Variants in NCAM2 observed in about 807,000 individuals in gnomAD.
NCAM2 encodes neural cell adhesion molecule 2, also known as N-CAM-2.
A neutral mutation model predicts 98.1 loss-of-function variants in NCAM2; 30 were observed. The observed-to-expected ratio is 0.31, with a 90% CI of 0.23 to 0.41. The LOEUF (loss-of-function observed/expected upper bound fraction) is 0.41, where lower values mean the gene tolerates loss of function less well. Ranked by LOEUF, NCAM2 falls within the 10% of genes least tolerant of loss-of-function variation. The probability of loss-of-function intolerance (pLI) is 1.00; values close to 1 mark genes in which losing one functional copy is unlikely to be tolerated. For missense variants in NCAM2, 867 were observed against 1,005.8 expected, an observed-to-expected ratio of 0.86 and a Z score of 1.87; for synonymous variants, 368 against 342.4, an observed-to-expected ratio of 1.07 and a Z score of -0.83.
intron 1 of NCAM2, among the ~76,000 whole-genome samples, chr21:21,272,497 T>TGCGCGC (rs201869091): frequency 0.013 from 1,957 of 145,442 alleles, 14 homozygotes; most frequent in East Asian, 0.027. Flanking sequence ...TACACACACA[T>TGCGCGC]GCGCGCGCGC....
chr21:21,347,320 A>G (rs1160152516), intron 8 of NCAM2, among the ~76,000 whole-genome samples: 1 of 152,020 alleles, frequency 6.6e-6, no homozygotes, highest in Non-Finnish European at 1.5e-5. Flanking sequence ...AAAACTTTCT[A>G]AAATTTATAT....
chr21:21,444,974 T>G (rs765033905), intron 12 of NCAM2, among the ~76,000 whole-genome samples: 2 of 152,036 alleles, frequency 1.3e-5, no homozygotes, highest in Admixed American at 1.3e-4. Context: ...ACAATTAGTG[T>G]TGTAAATTTC....
chr21:21,089,250 T>C (rs1266528189), intron 1 of NCAM2, among the ~76,000 whole-genome samples: 1 of 152,172 alleles, frequency 6.6e-6, no homozygotes, highest in African/African-American at 2.4e-5. Context: ...TTATTGCTAG[T>C]AAATAAAACT....
At chr21:21,316,603 T>C (rs1023685900) in intron 5 of NCAM2, among the ~76,000 whole-genome samples, 5 of 145,456 alleles carry the variant, frequency 3.4e-5, no homozygotes, top group African/African-American at 1.3e-4. Context: ...TGGTGTGATC[T>C]CGGCTCACTA....
At chr21:21,512,451 C>G (rs915650595) in intron 16 of NCAM2, among the ~76,000 whole-genome samples, 20 of 152,076 alleles carry the variant, frequency 1.3e-4, no homozygotes, top group Middle Eastern at 3.4e-3. Context: ...GTCTGTGTGT[C>G]TGTTTTTATG....
At chr21:21,272,140 A>G (rs1434947116) in intron 1 of NCAM2, among the ~76,000 whole-genome samples, 1 of 152,218 alleles carries the variant, frequency 6.6e-6, no homozygotes, top group Non-Finnish European at 1.5e-5. Context: ...GATTTTATTT[A>G]TACACAGTGG....
intron 1 of NCAM2, among the ~76,000 whole-genome samples, chr21:21,146,347 T>C (rs2067273593): frequency 6.6e-6 from 1 of 151,578 alleles, no homozygotes; most frequent in African/African-American, 2.4e-5. Flanking sequence ...GGGAAAATTG[T>C]CTTTCTGACA....
At chr21:21,304,504 G>A (rs1029572019) in intron 5 of NCAM2, among the ~76,000 whole-genome samples, 2 of 151,986 alleles carry the variant, frequency 1.3e-5, no homozygotes, top group African/African-American at 2.4e-5. Flanking sequence ...AAGCCGTTAT[G>A]ATAAGTTAGA....
intron 1 of NCAM2, among the ~76,000 whole-genome samples, chr21:21,108,974 T>C (rs892671909): frequency 2.6e-5 from 4 of 152,164 alleles, no homozygotes; most frequent in Admixed American, 6.5e-5. Flanking sequence ...TGACTACAGT[T>C]ATGATAATGG....
chr21:21,285,869 C>A (rs1391368520), intron 3 of NCAM2, among the ~76,000 whole-genome samples: 1 of 151,838 alleles, frequency 6.6e-6, no homozygotes, highest in Non-Finnish European at 1.5e-5. Flanking sequence ...AGGAATATTG[C>A]TATTTTATAT....
Position 21,374,000 on chromosome 21 carries a change from C to T in NCAM2, c.1182C>T (p.Tyr394=). The T allele has an allele frequency of 1.2e-6, 2 of 1,606,050 alleles. No individual in the cohort carries two copies. The highest frequency in any genetic ancestry group is 1.7e-6 in the Non-Finnish European group (2 of 1,176,462). Reference sequence around the variant, plus strand: ...TTGGAGGGCATCAAAAGAGCATGTACCTTGATATTGAATGTAAGTTACTTT... The same window carrying T: ...TTGGAGGGCATCAAAAGAGCATGTATCTTGATATTGAATGTAAGTTACTTT... The part of the protein sequence containing the change: ...SRIGGHQKSM[Y]LDIEYAPKFI... The change falls in exon 9 of 18, where the codon TAC becomes TAT. Residue 394 remains tyrosine, a synonymous_variant. Coordinates refer to ENST00000400546, the MANE Select transcript of NCAM2 (RefSeq NM_004540.5).
At chr21:21,206,983 G>A (rs549682838) in intron 1 of NCAM2, among the ~76,000 whole-genome samples, 1 of 151,944 alleles carries the variant, frequency 6.6e-6, no homozygotes, top group Non-Finnish European at 1.5e-5. Flanking sequence ...GACTATACAA[G>A]GTATTTATCA....
At chr21:21,208,722 C>G (rs1404592779) in intron 1 of NCAM2, among the ~76,000 whole-genome samples, 1 of 152,072 alleles carries the variant, frequency 6.6e-6, no homozygotes, top group Admixed American at 6.6e-5. Flanking sequence ...CTTCCTGTAC[C>G]TGCTTAGCTT....
chr21:21,484,498 G>A (rs547054954), intron 15 of NCAM2, among the ~76,000 whole-genome samples: 23 of 152,152 alleles, frequency 1.5e-4, no homozygotes, highest in South Asian at 8.3e-4. Context: ...GAAGCCAGTC[G>A]TGGCAGCTGA....
At chr21:21,494,101 T>A (rs1987040590) in intron 15 of NCAM2, among the ~76,000 whole-genome samples, 1 of 151,766 alleles carries the variant, frequency 6.6e-6, no homozygotes, top group Non-Finnish European at 1.5e-5. Context: ...CCAAGAAAAA[T>A]AATAATACGT....
chr21:21,504,944 T>C (rs1389566829), intron 15 of NCAM2, among the ~76,000 whole-genome samples: 1 of 151,920 alleles, frequency 6.6e-6, no homozygotes, highest in African/African-American at 2.4e-5. Context: ...AATAATCCAA[T>C]TATACTTTTA....
Position 21,410,480 on chromosome 21 carries a change from A to C in NCAM2, c.1383+19A>C, listed in dbSNP as rs375363984. The C allele has an allele frequency of 5.9e-6, 8 of 1,358,106 alleles. No individual in the cohort carries two copies. The East Asian group carries it at 1.3e-4, about 22-fold the overall frequency. 84.1% of individuals were successfully genotyped at this position (1,358,106 alleles called of 1,614,324 possible). A position where few individuals can be genotyped will look rare whatever the true frequency, so the allele number is the denominator to read the frequency against. On this transcript the variant is annotated intron_variant, in intron 10 of 17. Coordinates refer to ENST00000400546, the MANE Select transcript of NCAM2 (RefSeq NM_004540.5). ...ATTAGAGGTAAGTCCACATGTATAC[A>C]TCAATAAATTGTATTATTTTAACAA...
chr21:21,284,364 C>A lies in NCAM2; in HGVS notation c.301C>A (p.Gln101Lys), dbSNP rs1417579186. 1 of 1,612,392 alleles carries A rather than the reference C, an allele frequency of 6.2e-7. No individual in the cohort carries two copies. The highest frequency in any genetic ancestry group is 1.7e-5 in the Admixed American group (1 of 59,844). The change falls in exon 3 of 18, where the codon CAA (glutamine) becomes AAA (lysine). Residue 101 changes from glutamine (Q) to lysine (K), a missense_variant. By Grantham distance (53) the Gln-to-Lys change is moderately conservative. Coordinates refer to ENST00000400546, the MANE Select transcript of NCAM2 (RefSeq NM_004540.5). ...YRCQATDAKG[Q>K]TQEATVVLEI... ...TTGTCAAGCAACAGATGCCAAAGGA[C>A]AAACACAAGAAGCTACAGTAGTTTT...
chr21:21,218,517 C>T (rs181884792), intron 1 of NCAM2, among the ~76,000 whole-genome samples: 97 of 152,200 alleles, frequency 6.4e-4, no homozygotes, highest in African/African-American at 2.3e-3. Context: ...AAGTGTTAAT[C>T]GGCTGGTCTT....
Sources: gnomAD v4.1 joint callset for allele counts (sites outside exome capture counted in the v4.1 genomes callset) on GRCh38, gnomAD v4.1.1 for gene constraint, MANE v1.5 for transcripts, NCBI Gene and HGNC (gene_info 2026-07-23, HGNC 2026-07-21) for gene names.